KCNQ1OT1: variants seen among roughly 807,000 people sequenced by gnomAD.
KCNQ1OT1 encodes KCNQ1 opposite strand/antisense transcript 1.
At position 2,611,324 on chromosome 11, in the gene KCNQ1OT1, G is replaced by A. The variant is rs569889392; in HGVS notation, n.88671C>T. On this transcript the variant is annotated non_coding_transcript_exon_variant, in exon 1 of 1. Transcript: ENST00000597346. The surrounding 1 kb of genome is among the most constrained non-coding windows in gnomAD (Gnocchi z 5.3). ...AACCTCTGCCTCCCGGATTCAAGCC[G>A]TTCTCTTGCCTCAGCATCCCAAGTA... is the stretch of plus-strand genomic sequence containing the variant. 3.3e-5 allele frequency: 13 copies of A among 396,882 alleles called. No individual in the cohort carries two copies. The South Asian group carries it at 8.6e-4, about 26-fold the overall frequency. The allele number at this position is 396,882 out of a possible 1,614,324, so 24.6% of individuals were successfully genotyped here.
At position 2,659,237 on chromosome 11, in the gene KCNQ1OT1, C is replaced by T. The variant is rs1352157814; in HGVS notation, n.40758G>A. On this transcript the variant is annotated non_coding_transcript_exon_variant, in exon 1 of 1. Coordinates refer to ENST00000597346, the Ensembl canonical transcript of KCNQ1OT1. The surrounding 1 kb of genome is among the most constrained non-coding windows in gnomAD (Gnocchi z 4.3). ...AGAAGTTCCATACCCCTAAAAATACCCTGGGGTGAGTCTTTTGAAGTCAAG... is the reference window on the plus strand; with the variant it reads ...AGAAGTTCCATACCCCTAAAAATACTCTGGGGTGAGTCTTTTGAAGTCAAG... The T allele has an allele frequency of 1.0e-5, 4 of 398,448 alleles. No individual in the cohort carries two copies. Among genetic ancestry groups the T allele is most frequent in the Non-Finnish European group, 1.8e-5 (4 of 226,068 alleles). The allele number at this position is 398,448 out of a possible 1,614,324, so 24.7% of individuals were successfully genotyped here.
At position 2,661,642 on chromosome 11, in the gene KCNQ1OT1, A is replaced by T; in HGVS notation, n.38353T>A. 1 of 592,140 alleles carries T rather than the reference A, an allele frequency of 1.7e-6. No homozygotes were observed. Among genetic ancestry groups the T allele is most frequent in the Non-Finnish European group, 3.0e-6 (1 of 332,286 alleles). The allele number at this position is 592,140 out of a possible 1,614,324, so 36.7% of individuals were successfully genotyped here. On this transcript the variant is annotated non_coding_transcript_exon_variant, in exon 1 of 1. Coordinates refer to ENST00000597346, the Ensembl canonical transcript of KCNQ1OT1. The surrounding 1 kb of genome is among the most constrained non-coding windows in gnomAD (Gnocchi z 5.9). The stretch of plus-strand genomic sequence containing the variant: ...CTGTTTTATTCTTGACCCAAGTGTC[A>T]GTTGTGAACATGGGAAGAGGCCCAG...
chr11:2,619,019 A>T, exon 1 of KCNQ1OT1: 1 of 398,300 alleles, frequency 2.5e-6, no homozygotes, highest in Non-Finnish European at 4.4e-6. Context: ...TTTTATATTG[A>T]TTTTATATCC....
rs1850595734 is a variant in KCNQ1OT1 at position 2,691,991 on chromosome 11, G to A, written n.8004C>T. 1 of 398,552 alleles carries A rather than the reference G, an allele frequency of 2.5e-6. No individual in the cohort carries two copies. The highest frequency in any genetic ancestry group is 4.4e-6 in the Non-Finnish European group (1 of 226,086). 24.7% of individuals were successfully genotyped at this position (398,552 alleles called of 1,614,324 possible). A position where few individuals can be genotyped will look rare whatever the true frequency, so the allele number is the denominator to read the frequency against. On this transcript the variant is annotated non_coding_transcript_exon_variant, in exon 1 of 1. Transcript: ENST00000597346. The surrounding 1 kb of genome is among the most constrained non-coding windows in gnomAD (Gnocchi z 6.4). The stretch of plus-strand genomic sequence containing the variant: ...TCTATGCAAACCATTTCCCTAAGCT[G>A]TTCCCTCAGCACCAAGGGCTTCCAG...
chr11:2,675,308 C>T, exon 1 of KCNQ1OT1: 1 of 398,518 alleles, frequency 2.5e-6, no homozygotes. Flanking sequence ...CAATATAAAA[C>T]ATGAAAGTGG....
exon 1 of KCNQ1OT1, chr11:2,644,599 A>T (rs1232680519): frequency 2.5e-6 from 1 of 398,244 alleles, no homozygotes; most frequent in East Asian, 3.6e-5. Flanking sequence ...ATTCCTTAGG[A>T]GTTGTCATGT....
rs1056364768 is a variant in KCNQ1OT1 at position 2,679,946 on chromosome 11, T to C, written n.20049A>G. The C allele has an allele frequency of 1.0e-5, 4 of 397,460 alleles. No homozygotes were observed. The highest frequency in any genetic ancestry group is 2.1e-5 in the African/African-American group (1 of 48,592). The allele number at this position is 397,460 out of a possible 1,614,324, so 24.6% of individuals were successfully genotyped here. ...TCTCACTTTGTCACCTAGGCGGGAA[T>C]GCAGTGGCACAGTCTCGGCTTACTG... On this transcript the variant is annotated non_coding_transcript_exon_variant, in exon 1 of 1. Coordinates refer to ENST00000597346, the Ensembl canonical transcript of KCNQ1OT1. This position sits in a 1 kb window ranked among gnomAD's most constrained non-coding sequence, Gnocchi z 4.8.
Position 2,676,746 on chromosome 11 carries a change from G to T in KCNQ1OT1, n.23249C>A. ...ATGCATAGTGGCTTTGGGTACGATG[G>T]TCTGCTGTATGAAGCAACCCTAGGA... is the stretch of plus-strand genomic sequence containing the variant. On this transcript the variant is annotated non_coding_transcript_exon_variant, in exon 1 of 1. Coordinates refer to ENST00000597346, the Ensembl canonical transcript of KCNQ1OT1. This position sits in a 1 kb window ranked among gnomAD's most constrained non-coding sequence, Gnocchi z 4.2. The T allele has an allele frequency of 2.5e-6, 1 of 398,640 alleles. No individual in the cohort carries two copies. Among genetic ancestry groups the T allele is most frequent in the Non-Finnish European group, 4.4e-6 (1 of 226,058 alleles). 24.7% of individuals were successfully genotyped at this position (398,640 alleles called of 1,614,324 possible).
exon 1 of KCNQ1OT1, chr11:2,629,019 T>A: frequency 7.5e-6 from 3 of 398,356 alleles, no homozygotes; most frequent in Non-Finnish European, 1.3e-5. Context: ...AAAATAAGCA[T>A]GTGTAATATC....
chr11:2,651,096 C>G lies in KCNQ1OT1; in HGVS notation n.48899G>C, dbSNP rs1303591687. The G allele has an allele frequency of 2.5e-6, 1 of 398,634 alleles. No homozygotes were observed. The highest frequency in any genetic ancestry group is 4.4e-6 in the Non-Finnish European group (1 of 226,130). The allele number at this position is 398,634 out of a possible 1,614,324, so 24.7% of individuals were successfully genotyped here. A position where few individuals can be genotyped will look rare whatever the true frequency, so the allele number is the denominator to read the frequency against. On this transcript the variant is annotated non_coding_transcript_exon_variant, in exon 1 of 1. Transcript: ENST00000597346. This position sits in a 1 kb window ranked among gnomAD's most constrained non-coding sequence, Gnocchi z 6.1. ...CTCATTACTGGTCTCTTGATTTCCA[C>G]TCTTGCTTCCTGTACTCCATTCTTC...
In KCNQ1OT1 at chr11:2,644,493, C is replaced by T. The variant is rs552493971; in HGVS notation, n.55502G>A. The T allele has an allele frequency of 1.5e-4, 58 of 398,046 alleles. No homozygotes were observed. Among genetic ancestry groups the T allele is most frequent in the Middle Eastern group, 6.2e-4 (1 of 1,610 alleles). 24.7% of individuals were successfully genotyped at this position (398,046 alleles called of 1,614,324 possible). A position where few individuals can be genotyped will look rare whatever the true frequency, so the allele number is the denominator to read the frequency against. On this transcript the variant is annotated non_coding_transcript_exon_variant, in exon 1 of 1. Transcript: ENST00000597346. ...TACCCCGAATTGTTTTTTCTGATTTCTTTGTATAGTCTATCAGATCTTCTT... is the reference window on the plus strand; with the variant it reads ...TACCCCGAATTGTTTTTTCTGATTTTTTTGTATAGTCTATCAGATCTTCTT...
In KCNQ1OT1 at chr11:2,612,297, C is replaced by T; in HGVS notation, n.87698G>A. ...GCATGTGAGGGATCTAGGTTGTGCA[C>T]TCCGTATGAGAATCTAACTAAAGCC... On this transcript the variant is annotated non_coding_transcript_exon_variant, in exon 1 of 1. Transcript: ENST00000597346. This position sits in a 1 kb window ranked among gnomAD's most constrained non-coding sequence, Gnocchi z 5.5. The T allele has an allele frequency of 2.5e-6, 1 of 398,612 alleles. No homozygotes were observed. The allele number at this position is 398,612 out of a possible 1,614,324, so 24.7% of individuals were successfully genotyped here.
At position 2,664,682 on chromosome 11, in the gene KCNQ1OT1, G is replaced by A. The variant is rs1224156702; in HGVS notation, n.35313C>T. The A allele has an allele frequency of 4.3e-5, 17 of 398,680 alleles. No homozygotes were observed. The East Asian group carries it at 6.1e-4, about 14-fold the overall frequency. 24.7% of individuals were successfully genotyped at this position (398,680 alleles called of 1,614,324 possible). On this transcript the variant is annotated non_coding_transcript_exon_variant, in exon 1 of 1. Coordinates refer to ENST00000597346, the Ensembl canonical transcript of KCNQ1OT1. This position sits in a 1 kb window ranked among gnomAD's most constrained non-coding sequence, Gnocchi z 5.1. ...GCAGCGAAGCTCCTGTGGGCAGCCT[G>A]GCCCCATGGACCCTGAACTGGGAAG...
At position 2,620,212 on chromosome 11, in the gene KCNQ1OT1, T is replaced by TATATG. The variant is rs749794052; in HGVS notation, n.79782_79783insCATAT. The TATATG allele has an allele frequency of 2.5e-5, 5 of 202,280 alleles. No individual in the cohort carries two copies. The highest frequency in any genetic ancestry group is 1.6e-4 in the African/African-American group (5 of 31,374). The allele number at this position is 202,280 out of a possible 1,614,324, so 12.5% of individuals were successfully genotyped here. A position where few individuals can be genotyped will look rare whatever the true frequency, so the allele number is the denominator to read the frequency against. On this transcript the variant is annotated non_coding_transcript_exon_variant, in exon 1 of 1. Coordinates refer to ENST00000597346, the Ensembl canonical transcript of KCNQ1OT1. The surrounding 1 kb of genome is among the most constrained non-coding windows in gnomAD (Gnocchi z 4.5). Reference sequence around the variant, plus strand: ...AAGTTCATTCATGTATATATATATATTTTTTTTTTTTATTTTTTTTTTAGA... The same window carrying TATATG: ...AAGTTCATTCATGTATATATATATATATATGTTTTTTTTTTTATTTTTTTTTTAGA...
Position 2,629,454 on chromosome 11 carries a change from T to C in KCNQ1OT1, n.70541A>G, listed in dbSNP as rs542214804. 17 of 398,530 alleles carry C rather than the reference T, an allele frequency of 4.3e-5. No individual in the cohort carries two copies. The South Asian group carries it at 1.4e-3, about 33-fold the overall frequency. 24.7% of individuals were successfully genotyped at this position (398,530 alleles called of 1,614,324 possible). On this transcript the variant is annotated non_coding_transcript_exon_variant, in exon 1 of 1. Coordinates refer to ENST00000597346, the Ensembl canonical transcript of KCNQ1OT1. The stretch of plus-strand genomic sequence containing the variant: ...CCCATGTTTTCTTCTAAGAGTTTTA[T>C]AGTTTTAGGTCTTACATTTAGGTCT...
In KCNQ1OT1 at chr11:2,669,075, G is replaced by T. The variant is rs577007419; in HGVS notation, n.30920C>A. The T allele has an allele frequency of 2.5e-6, 1 of 398,570 alleles. No individual in the cohort carries two copies. The highest frequency in any genetic ancestry group is 4.4e-6 in the Non-Finnish European group (1 of 226,110). The allele number at this position is 398,570 out of a possible 1,614,324, so 24.7% of individuals were successfully genotyped here. A position where few individuals can be genotyped will look rare whatever the true frequency, so the allele number is the denominator to read the frequency against. On this transcript the variant is annotated non_coding_transcript_exon_variant, in exon 1 of 1. Transcript: ENST00000597346. This position sits in a 1 kb window ranked among gnomAD's most constrained non-coding sequence, Gnocchi z 5.6. ...CCCGTCCTCTCCCAACTACCCTGCCGTATCAGTGTCTTTACAATCAGCTCA... is the reference window on the plus strand; with the variant it reads ...CCCGTCCTCTCCCAACTACCCTGCCTTATCAGTGTCTTTACAATCAGCTCA...
chr11:2,610,246 T>C, exon 1 of KCNQ1OT1: 1 of 398,080 alleles, frequency 2.5e-6, no homozygotes, highest in South Asian at 1.3e-4. Context: ...ATATTAATCC[T>C]GGTGAGATAC....
exon 1 of KCNQ1OT1, chr11:2,692,086 C>T: frequency 1.5e-5 from 6 of 398,772 alleles, no homozygotes; most frequent in Non-Finnish European, 2.7e-5. Flanking sequence ...AGTCACCTGC[C>T]CCCACCTCCT....
chr11:2,646,443 T>C (rs1849667360), exon 1 of KCNQ1OT1: 6 of 398,556 alleles, frequency 1.5e-5, no homozygotes, highest in Non-Finnish European at 2.2e-5. Flanking sequence ...TTTGCTTTTT[T>C]TTGTAGCTAT....
Sources: allele counts gnomAD v4.1 joint callset, GRCh38; gene constraint gnomAD v4.1.1; non-coding constraint Gnocchi (gnomAD v3.1); transcripts MANE v1.5; gene names NCBI Gene and HGNC (gene_info 2026-07-23, HGNC 2026-07-21).